The following DVL1 variants were observed in gnomAD, a reference collection of about 807,000 sequenced individuals.
DVL1 encodes the protein segment polarity protein dishevelled homolog DVL-1.
A neutral mutation model predicts 65.0 loss-of-function variants in DVL1; 49 were observed. That is an observed-to-expected ratio of 0.75 (90% CI 0.60 to 0.96). The LOEUF (loss-of-function observed/expected upper bound fraction) is 0.96, where lower values mean the gene tolerates loss of function less well. Among genes scored for constraint, DVL1 ranks in the 40% least tolerant of loss-of-function variants. DVL1 has a pLI of 0.00. For missense variants in DVL1, 1,197 were observed against 1,045.4 expected (o/e 1.15, Z -2.00); for synonymous variants, 608 against 433.9 (o/e 1.40, Z -4.99).
At chr1:1,338,496 A>G (rs778631183) in intron 12 of DVL1, 26 bp downstream of exon 12, 81 of 1,611,306 alleles carry the variant, frequency 5.0e-5, no homozygotes, top group South Asian at 2.2e-4. Context: ...CCCTGGCACT[A>G]TCCGCCCGCG....
chr1:1,344,227 G>T (rs1643886413), intron 1 of DVL1, among the ~76,000 whole-genome samples: 1 of 152,204 alleles, frequency 6.6e-6, no homozygotes, highest in African/African-American at 2.4e-5. Flanking sequence ...CCGGGACTTG[G>T]GCCCAGTGGA....
In DVL1 at chr1:1,337,960, A is replaced by G. The variant is rs1261049464; in HGVS notation, c.1714+17T>C. ...GGGGCGGAGCCGGGGAAGGGCAGGT[A>G]GGGGCGGCGTTCTCACCTTCACTCT... is the stretch of plus-strand genomic sequence containing the variant. On this transcript the variant is annotated intron_variant, in intron 14 of 14. Coordinates refer to ENST00000378888, the MANE Select transcript of DVL1 (RefSeq NM_001330311.2). 6.2e-7 allele frequency: 1 copy of G among 1,604,212 alleles called. No individual in the cohort carries two copies. The highest frequency in any genetic ancestry group is 1.7e-5 in the Admixed American group (1 of 59,706).
intron 14 of DVL1, among the ~76,000 whole-genome samples, chr1:1,337,256 C>T (rs138177008): frequency 0.044 from 6,629 of 152,178 alleles, 486 homozygotes; most frequent in African/African-American, 0.15. Context: ...CCTCTCTCGC[C>T]CTCCTTCCTG....
At chr1:1,338,235 C>CCCCCCCCCCCCCGG in intron 13 of DVL1, 34 bp downstream of exon 13, 5 of 1,517,862 alleles carry the variant, frequency 3.3e-6, no homozygotes, top group Non-Finnish European at 3.6e-6. Flanking sequence ...GCGTTCCCCT[C>CCCCCCCCCCCCCGG]CCCCCCGCCC....
intron 14 of DVL1, 80 bp downstream of exon 14, chr1:1,337,897 A>AGC (rs1424643434): frequency 1.0e-5 from 11 of 1,082,720 alleles, no homozygotes; most frequent in African/African-American, 1.7e-5. Flanking sequence ...GGTGGGGTGG[A>AGC]ACTGGGGGCG....
At chr1:1,340,551 G>C (rs1030072508) in intron 5 of DVL1, 48 bp from the exon 6 acceptor site, 14 of 1,553,492 alleles carry the variant, frequency 9.0e-6, no homozygotes, top group Middle Eastern at 1.7e-4. Context: ...CATGGGTAGG[G>C]GGGTGGGAAC....
At position 1,335,668 on chromosome 1, in the gene DVL1, G is replaced by C. The variant is rs1643546289; in HGVS notation, c.*474C>G. On this transcript the variant is annotated 3_prime_UTR_variant, in exon 15 of 15. Coordinates refer to ENST00000378888, the MANE Select transcript of DVL1 (RefSeq NM_001330311.2). ...GGAGAGAAGGTGCAGGCTGCTCCAA[G>C]GGGCAGCAGCAGGTGGGACAGATGA... 6.2e-6 allele frequency: 1 copy of C among 162,010 alleles called. No individual in the cohort carries two copies. Among genetic ancestry groups the C allele is most frequent in the Non-Finnish European group, 1.4e-5 (1 of 73,952 alleles). The allele number at this position is 162,010 out of a possible 1,614,324, so 10.0% of individuals were successfully genotyped here.
At chr1:1,337,159 G>A (rs1456270706) in intron 14 of DVL1, 7 of 949,302 alleles carry the variant, frequency 7.4e-6, no homozygotes, top group African/African-American at 5.3e-5. Flanking sequence ...CGGGCTGGGC[G>A]GGGCTGAAGT....
At chr1:1,343,561 C>A (rs147511198) in intron 1 of DVL1, among the ~76,000 whole-genome samples, 13 of 152,366 alleles carry the variant, frequency 8.5e-5, no homozygotes, top group African/African-American at 2.4e-4. Flanking sequence ...TATGGCCCTA[C>A]TCCACCCTCC....
chr1:1,338,131 G>A lies in DVL1; in HGVS notation c.1560C>T (p.Asp520=). 1.9e-6 allele frequency: 3 copies of A among 1,609,428 alleles called. No individual in the cohort carries two copies. The highest frequency in any genetic ancestry group is 2.5e-6 in the Non-Finnish European group (3 of 1,178,518). Residue 520 remains aspartate, a synonymous_variant, in exon 14 of 15, where the codon GAC becomes GAT. Coordinates refer to ENST00000378888, the MANE Select transcript of DVL1 (RefSeq NM_001330311.2). ...CCGGGTGGGGCAGCGGGGCCAGCGT[G>A]TCCTGATCCGAAGTCCCACTGGAGC... The part of the protein sequence containing the change: ...NSGSSGTSDQ[D]TLAPLPHPAA...
chr1:1,337,043 C>A, intron 14 of DVL1: 1 of 988,522 alleles, frequency 1.0e-6, no homozygotes, highest in Non-Finnish European at 1.2e-6. Flanking sequence ...TCCGCTAGTC[C>A]TTCAGTCTAA....
chr1:1,339,695 C>T (rs377360440), intron 9 of DVL1, 41 bp downstream of exon 9: 5 of 1,612,794 alleles, frequency 3.1e-6, no homozygotes, highest in Non-Finnish European at 4.2e-6. Context: ...GGTCCCACCT[C>T]CCTGCCTGGC....
At chr1:1,339,002 G>A (rs901018036) in intron 11 of DVL1, among the ~76,000 whole-genome samples, 3 of 152,152 alleles carry the variant, frequency 2.0e-5, no homozygotes, top group African/African-American at 7.2e-5. Flanking sequence ...TCGTGTTAAT[G>A]GCAGGAAGCA....
chr1:1,338,181 G>A lies in DVL1; in HGVS notation c.1510C>T (p.Leu504Phe). Reference sequence around the variant, plus strand: ...CCACTGTTGAGGTTCAGGGTGGCGAGATCTGGCGGGGGAGGGTAGGTGAGG... The same window carrying A: ...CCACTGTTGAGGTTCAGGGTGGCGAAATCTGGCGGGGGAGGGTAGGTGAGG... The part of the protein sequence containing the change: ...YYVFGDLCSN[L>F]ATLNLNSGSS... Residue 504 changes from leucine to phenylalanine, a missense_variant and splice_region_variant, in exon 14 of 15, where the codon CTC becomes TTC. By Grantham distance (22) the Leu-to-Phe change is conservative. Coordinates refer to ENST00000378888, the MANE Select transcript of DVL1 (RefSeq NM_001330311.2). 6.2e-7 allele frequency: 1 copy of A among 1,603,368 alleles called. No homozygotes were observed. Among genetic ancestry groups the A allele is most frequent in the South Asian group, 1.1e-5 (1 of 89,824 alleles).
chr1:1,342,522 G>A (rs367741199), intron 2 of DVL1, 38 bp from the exon 3 acceptor site: 168 of 1,598,210 alleles, frequency 1.1e-4, no homozygotes, highest in Middle Eastern at 1.7e-4. Context: ...GAGCCCACCC[G>A]CCTTCAGGAC....
At chr1:1,339,559 C>A (rs756210871) in intron 10 of DVL1, 23 bp downstream of exon 10, 1 of 1,593,572 alleles carries the variant, frequency 6.3e-7, no homozygotes, top group Non-Finnish European at 8.5e-7. Context: ...CATCCCGCCC[C>A]GTGTGCCCCG....
At chr1:1,338,716 G>A in intron 11 of DVL1, 63 bp from the exon 12 acceptor site, 3 of 1,564,656 alleles carry the variant, frequency 1.9e-6, no homozygotes, top group African/African-American at 1.3e-5. Context: ...TCAGGGCCCT[G>A]CACCCCCAGG....
In DVL1 at chr1:1,338,024, G is replaced by C; in HGVS notation, c.1667C>G (p.Pro556Arg). 2 of 1,611,960 alleles carry C rather than the reference G, an allele frequency of 1.2e-6. No individual in the cohort carries two copies. The highest frequency in any genetic ancestry group is 1.7e-6 in the Non-Finnish European group (2 of 1,179,714). Residue 556 changes from proline (P) to arginine (R), a missense_variant, in exon 14 of 15, where the codon CCG becomes CGG. Transcript: ENST00000378888. ...GCTGCCGCTGCCATAGCTAAAGCCC[G>C]GGTCCTGGTAGGCAGGCGGGAAGCA... ...PPCFPPAYQD[P>R]GFSYGSGSTG...
chr1:1,340,900 CGCAT>C (rs761923242), intron 5 of DVL1, among the ~76,000 whole-genome samples: 1 of 149,632 alleles, frequency 6.7e-6, no homozygotes, highest in Non-Finnish European at 1.5e-5. Context: ...TGCACACGCA[CGCAT>C]GAACACACGC....
Sources: gnomAD v4.1 joint callset for allele counts (sites outside exome capture counted in the v4.1 genomes callset) on GRCh38, gnomAD v4.1.1 for gene constraint, MANE v1.5 for transcripts, NCBI Gene and HGNC (gene_info 2026-07-23, HGNC 2026-07-21) for gene names.